The following UBP1 variants were observed in gnomAD, a reference collection of about 807,000 sequenced individuals.
The protein encoded by UBP1 is upstream binding protein 1.
UBP1 carries 22 observed loss-of-function variants against 76.1 expected under a neutral mutation model. That is an observed-to-expected ratio of 0.29 (90% CI 0.21 to 0.41). UBP1 has a LOEUF of 0.41. Among genes scored for constraint, UBP1 ranks in the 10% least tolerant of loss-of-function variants. The pLI, the probability that UBP1 is intolerant of heterozygous loss-of-function variation, is 1.00. For synonymous variants in UBP1, 224 were observed against 237.1 expected, an observed-to-expected ratio of 0.94 and a Z score of 0.51; for missense variants, 436 against 668.1, an observed-to-expected ratio of 0.65 and a Z score of 3.83.
intron 4 of UBP1, 38 bp downstream of exon 4, chr3:33,412,684 T>C (rs1184983700): frequency 7.7e-7 from 1 of 1,299,960 alleles, no homozygotes. Flanking sequence ...AGCTAAACAA[T>C]ACCCTCATCT....
rs202115729 is a variant in UBP1, at chr3:33,409,362, T to C, written c.709-16A>G. The C allele has an allele frequency of 7.1e-5, 114 of 1,614,098 alleles. No individual in the cohort carries two copies. The highest frequency in any genetic ancestry group is 8.5e-5 in the Non-Finnish European group (100 of 1,179,988). Reference sequence around the variant, plus strand: ...CACCTTTAGGCTTAAAAACAAAGTATACTATTTCATCTATCAGGCTGCAGA... The same window carrying C: ...CACCTTTAGGCTTAAAAACAAAGTACACTATTTCATCTATCAGGCTGCAGA... On this transcript the variant is annotated splice_polypyrimidine_tract_variant and intron_variant, in intron 6 of 15. Transcript: ENST00000283629.
intron 12 of UBP1, 52 bp from the exon 13 acceptor site, chr3:33,396,332 C>T: frequency 2.9e-6 from 4 of 1,368,550 alleles, no homozygotes; most frequent in Non-Finnish European, 4.1e-6. Flanking sequence ...CTGCCTTACA[C>T]ATGTACAAAT....
chr3:33,395,750 G>GAAAAAAAAAAAAAAA (rs61654235), intron 13 of UBP1, among the ~76,000 whole-genome samples: 2 of 69,778 alleles, frequency 2.9e-5, no homozygotes, highest in Admixed American at 1.8e-4. Flanking sequence ...CAGGAAAATT[G>GAAAAAAAAAAAAAAA]AAAAAAAAAA....
chr3:33,429,739 G>C (rs991630137), intron 1 of UBP1, among the ~76,000 whole-genome samples: 1 of 152,168 alleles, frequency 6.6e-6, no homozygotes, highest in African/African-American at 2.4e-5. Context: ...ATCACAACAA[G>C]CTTGATCAAA....
intron 1 of UBP1, among the ~76,000 whole-genome samples, chr3:33,427,664 C>G (rs1026085869): frequency 6.6e-6 from 1 of 152,192 alleles, no homozygotes; most frequent in Non-Finnish European, 1.5e-5. Flanking sequence ...CTACTCCCCC[C>G]ATGCATTTCT....
At chr3:33,413,488 A>T (rs2044645797) in intron 3 of UBP1, among the ~76,000 whole-genome samples, 1 of 147,864 alleles carries the variant, frequency 6.8e-6, no homozygotes, top group South Asian at 2.2e-4. Context: ...CAGAGCTTGC[A>T]GTGAGCCAAG....
At chr3:33,390,688 TAGA>T (rs140533191) in intron 15 of UBP1, 11,170 of 339,970 alleles carry the variant, frequency 0.033, 1,079 homozygotes, top group African/African-American at 0.21. Flanking sequence ...GAGCAAGAGC[TAGA>T]AGGAGAACAG....
rs763970586 is a variant in UBP1 at position 33,401,060 on chromosome 3, C to T, written c.1032-44G>A. On this transcript the variant is annotated intron_variant, in intron 9 of 15. Transcript: ENST00000283629. ...GAAGGAAATGATGATTTTTATAATA[C>T]ATATATGTTTTAATCAAGGCATTAA... is the stretch of plus-strand genomic sequence containing the variant. 5 of 1,535,130 alleles carry T rather than the reference C, an allele frequency of 3.3e-6. No homozygotes were observed. The African/African-American group carries it at 5.7e-5, about 17-fold the overall frequency.
chr3:33,437,543 A>G (rs749885057), intron 1 of UBP1, among the ~76,000 whole-genome samples: 12 of 152,248 alleles, frequency 7.9e-5, no homozygotes, highest in Admixed American at 3.3e-4. Context: ...CCATCCAAAA[A>G]GCAAATACAG....
chr3:33,423,045 GTT>G (rs11337499), intron 2 of UBP1, among the ~76,000 whole-genome samples: 4 of 144,728 alleles, frequency 2.8e-5, no homozygotes, highest in Admixed American at 6.8e-5. Flanking sequence ...AAAAAAGTTT[GTT>G]TTTTTTTTTT....
At chr3:33,422,489 G>A (rs114664138) in intron 2 of UBP1, among the ~76,000 whole-genome samples, 132 of 152,310 alleles carry the variant, frequency 8.7e-4, no homozygotes, top group African/African-American at 2.7e-3. Context: ...GGCCAAGGCA[G>A]GAAGATCGTT....
chr3:33,390,514 G>T, intron 15 of UBP1, 146 bp from the exon 16 acceptor site: 1 of 812,606 alleles, frequency 1.2e-6, no homozygotes, highest in Non-Finnish European at 2.0e-6. Context: ...AGATTAACTT[G>T]CTCTAGCTCC....
At chr3:33,425,504 T>C in intron 2 of UBP1, 86 bp downstream of exon 2, 1 of 1,286,760 alleles carries the variant, frequency 7.8e-7, no homozygotes. Context: ...TTTTAATTAT[T>C]ACCAATAATC....
chr3:33,432,542 T>C (rs769837696), intron 1 of UBP1, among the ~76,000 whole-genome samples: 12 of 152,218 alleles, frequency 7.9e-5, no homozygotes, highest in Non-Finnish European at 1.3e-4. Flanking sequence ...ACTGTGGTCC[T>C]ACTCTACTCA....
intron 9 of UBP1, 71 bp downstream of exon 9, chr3:33,402,730 T>G: frequency 2.6e-6 from 3 of 1,132,470 alleles, no homozygotes; most frequent in Non-Finnish European, 3.7e-6. Flanking sequence ...CTGCTGTACA[T>G]GGAGAGATGG....
Position 33,389,437 on chromosome 3 carries a change from G to A in UBP1, c.*894C>T, listed in dbSNP as rs1157765660. The A allele has an allele frequency of 7.0e-6, 1 of 143,766 alleles. No individual in the cohort carries two copies. Among genetic ancestry groups the A allele is most frequent in the Non-Finnish European group, 1.5e-5 (1 of 65,724 alleles). The allele number at this position is 143,766 out of a possible 1,614,324, so 8.9% of individuals were successfully genotyped here. ...TGGGTCACCTATTTCCAATGTCTGG[G>A]GTAGGGCTTTAAAAATGTTTAATAG... On this transcript the variant is annotated 3_prime_UTR_variant, in exon 16 of 16. Transcript: ENST00000283629.
At chr3:33,395,933 A>C (rs1473681567) in intron 13 of UBP1, among the ~76,000 whole-genome samples, 1 of 151,898 alleles carries the variant, frequency 6.6e-6, no homozygotes, top group Non-Finnish European at 1.5e-5. Context: ...GGCCACATGA[A>C]AAACAGACCC....
intron 3 of UBP1, among the ~76,000 whole-genome samples, chr3:33,415,352 A>C (rs1228221239): frequency 1.3e-5 from 2 of 152,224 alleles, no homozygotes; most frequent in African/African-American, 2.4e-5. Flanking sequence ...TTTTCCTCAG[A>C]ACACTGAATG....
chr3:33,395,139 A>G (rs1049236813), intron 13 of UBP1, among the ~76,000 whole-genome samples: 1 of 152,180 alleles, frequency 6.6e-6, no homozygotes, highest in Non-Finnish European at 1.5e-5. Context: ...TTAAATTTTT[A>G]TCCTTTAAGA....
Sources: allele counts gnomAD v4.1 joint callset (sites outside exome capture counted in the v4.1 genomes callset), GRCh38; gene constraint gnomAD v4.1.1; transcripts MANE v1.5; gene names NCBI Gene and HGNC (gene_info 2026-07-23, HGNC 2026-07-21).